The following SLC47A1 variants were observed in gnomAD, a reference collection of about 807,000 sequenced individuals.
SLC47A1 encodes the protein multidrug and toxin extrusion protein 1.
Under a neutral mutation model 65.8 loss-of-function variants are expected in SLC47A1, and 58 were observed. The observed-to-expected ratio is 0.88, with a 90% CI of 0.71 to 1.10. SLC47A1 has a LOEUF of 1.10. SLC47A1 is among the 50% of genes least tolerant of loss of function. The pLI is 0.00. For synonymous variants in SLC47A1, 285 were observed against 295.0 expected, an observed-to-expected ratio of 0.97 and a Z score of 0.35; for missense variants, 706 against 719.2, an observed-to-expected ratio of 0.98 and a Z score of 0.21.
In SLC47A1 at chr17:19,555,947, C is replaced by G. The variant is rs201995431; in HGVS notation, c.853+38C>G. 22 of 1,614,070 alleles carry G rather than the reference C, an allele frequency of 1.4e-5. No individual in the cohort carries two copies. In the South Asian group the frequency reaches 2.0e-4, roughly 15 times the overall value. On this transcript the variant is annotated intron_variant, in intron 9 of 16. Transcript: ENST00000270570. ...ATGGATGACGGGGACTGGTGGGAAC[C>G]TGGGGGCCCTGTCTGGGTGCAAGGC...
At chr17:19,577,248 T>C (rs2084447778) in intron 16 of SLC47A1, 79 bp from the exon 17 acceptor site, 1 of 1,556,212 alleles carries the variant, frequency 6.4e-7, no homozygotes, top group Non-Finnish European at 8.7e-7. Context: ...TATTAGCACA[T>C]ATTCCTTTTA....
chr17:19,539,458 A>T (rs1357350811), intron 1 of SLC47A1, among the ~76,000 whole-genome samples: 1 of 151,776 alleles, frequency 6.6e-6, no homozygotes, highest in Non-Finnish European at 1.5e-5. Context: ...ATATACTGAA[A>T]TGAAGATTCC....
chr17:19,540,876 A>ACACACACACACACACACACC (rs774836898), intron 1 of SLC47A1, among the ~76,000 whole-genome samples: 2 of 149,758 alleles, frequency 1.3e-5, no homozygotes, highest in Admixed American at 6.7e-5. Flanking sequence ...ACACACACAC[A>ACACACACACACACACACACC]CCCCTAGGGT....
chr17:19,540,849 G>GACACACACACACACACACACACACACAC (rs144308134), intron 1 of SLC47A1, among the ~76,000 whole-genome samples: 5 of 143,008 alleles, frequency 3.5e-5, no homozygotes, highest in East Asian at 4.3e-4. Flanking sequence ...TCCTACAACA[G>GACACACACACACACACACACACACACAC]ACACACACAC....
At chr17:19,569,003 G>A (rs961112582) in intron 14 of SLC47A1, among the ~76,000 whole-genome samples, 1 of 151,964 alleles carries the variant, frequency 6.6e-6, no homozygotes, top group Non-Finnish European at 1.5e-5. Flanking sequence ...GGGATTACAG[G>A]CATGAGGAAC....
chr17:19,550,449 G>A (rs900136552), intron 5 of SLC47A1, among the ~76,000 whole-genome samples: 4 of 152,122 alleles, frequency 2.6e-5, no homozygotes, highest in East Asian at 1.9e-4. Flanking sequence ...CTGATTAGCC[G>A]ATACTACAGG....
intron 12 of SLC47A1, among the ~76,000 whole-genome samples, chr17:19,561,295 C>G (rs2084308404): frequency 6.6e-6 from 1 of 151,508 alleles, no homozygotes; most frequent in Admixed American, 6.6e-5. Context: ...TGGATAGATG[C>G]TATCATAGAG....
At chr17:19,552,417 G>A (rs1427863592) in intron 6 of SLC47A1, among the ~76,000 whole-genome samples, 1 of 152,160 alleles carries the variant, frequency 6.6e-6, no homozygotes, top group Non-Finnish European at 1.5e-5. Context: ...AGAAATAGGT[G>A]TAGACTAGAG....
intron 6 of SLC47A1, among the ~76,000 whole-genome samples, chr17:19,553,591 G>A (rs1264115235): frequency 2.0e-5 from 3 of 148,094 alleles, no homozygotes; most frequent in Admixed American, 6.8e-5. Flanking sequence ...GCCCAGGCTA[G>A]AGTGCAGTGA....
At chr17:19,553,309 G>C (rs529199534) in intron 6 of SLC47A1, among the ~76,000 whole-genome samples, 2 of 152,144 alleles carry the variant, frequency 1.3e-5, no homozygotes, top group African/African-American at 4.8e-5. Context: ...CGTGTTGCAG[G>C]CTTGGCCACC....
chr17:19,557,344 C>T, intron 10 of SLC47A1: 1 of 163,930 alleles, frequency 6.1e-6, no homozygotes, highest in Non-Finnish European at 1.3e-5. Context: ...ATTTTATTTA[C>T]ATTTTATATT....
intron 12 of SLC47A1, among the ~76,000 whole-genome samples, chr17:19,566,532 TCTC>T (rs1357813215): frequency 1.3e-5 from 2 of 152,096 alleles, no homozygotes; most frequent in Admixed American, 1.3e-4. Flanking sequence ...TTCAAGCGAT[TCTC>T]CTGCCTCAGC....
chr17:19,534,353 T>G (rs1915932417), intron 1 of SLC47A1: 1 of 376,552 alleles, frequency 2.7e-6, no homozygotes, highest in Non-Finnish European at 4.8e-6. Context: ...GGCCGGCGGC[T>G]CCAGCCTCCT....
Position 19,571,495 on chromosome 17 carries a change from A to T in SLC47A1, c.1327A>T (p.Ile443Phe). The T allele has an allele frequency of 6.2e-7, 1 of 1,613,666 alleles. No homozygotes were observed. Among genetic ancestry groups the T allele is most frequent in the Non-Finnish European group, 8.5e-7 (1 of 1,179,866 alleles). ...LGVMGLWSGI[I>F]ICTVFQAVCF... is the part of the protein sequence containing the mutation. ...ATTTCTAGGTCTGTGGTCAGGGATC[A>T]TCATCTGTACAGTCTTTCAAGCTGT... is the stretch of plus-strand genomic sequence containing the variant. Residue 443 changes from isoleucine (I) to phenylalanine (F), a missense_variant, in exon 15 of 17, where the codon ATC becomes TTC. Ile to Phe is a conservative substitution (Grantham distance 21, BLOSUM62 0). Transcript: ENST00000270570.
At chr17:19,568,302 A>G (rs550037559) in intron 14 of SLC47A1, among the ~76,000 whole-genome samples, 3 of 152,206 alleles carry the variant, frequency 2.0e-5, no homozygotes, top group African/African-American at 4.8e-5. Flanking sequence ...GCCAATGCAA[A>G]GTTCATTGGG....
intron 2 of SLC47A1, 96 bp downstream of exon 2, chr17:19,542,590 A>G: frequency 1.0e-6 from 1 of 994,036 alleles, no homozygotes; most frequent in Admixed American, 2.6e-5. Flanking sequence ...GCTGAAACCT[A>G]CACAGACTTA....
rs374200449 is a variant in SLC47A1 at position 19,567,160 on chromosome 17, T to C, written c.1241T>C (p.Ile414Thr). ...AAGGTTGGAGCCATTGTGAATACCATTGGGTACTATGTGGTTGGCCTCCCC... is the reference window on the plus strand; with the variant it reads ...AAGGTTGGAGCCATTGTGAATACCACTGGGTACTATGTGGTTGGCCTCCCC... ...NQKVGAIVNT[I>T]GYYVVGLPIG... The change falls in exon 14 of 17, where the codon ATT becomes ACT. Residue 414 changes from isoleucine (I) to threonine (T), a missense_variant. Transcript: ENST00000270570. 1.0e-4 allele frequency: 166 copies of C among 1,614,164 alleles called. No homozygotes were observed. Among genetic ancestry groups the C allele is most frequent in the South Asian group, 6.9e-4 (63 of 91,088 alleles).
rs1916446942 is a variant in SLC47A1 at position 19,551,486 on chromosome 17, C to T, written c.543+18C>T. 1.9e-6 allele frequency: 3 copies of T among 1,606,990 alleles called. No homozygotes were observed. Among genetic ancestry groups the T allele is most frequent in the Admixed American group, 1.7e-5 (1 of 59,988 alleles). On this transcript the variant is annotated intron_variant, in intron 6 of 16. Coordinates refer to ENST00000270570, the MANE Select transcript of SLC47A1 (RefSeq NM_018242.3). ...TCAACCAGGTAATACTGACTGTTCTCTTCCTTTGGGAGGCTAATGGGAGTT... is the reference window on the plus strand; with the variant it reads ...TCAACCAGGTAATACTGACTGTTCTTTTCCTTTGGGAGGCTAATGGGAGTT...
At chr17:19,540,439 G>T (rs975034796) in intron 1 of SLC47A1, among the ~76,000 whole-genome samples, 4 of 152,154 alleles carry the variant, frequency 2.6e-5, no homozygotes, top group African/African-American at 9.7e-5. Flanking sequence ...AAGTGATGCC[G>T]AGTTTACAAA....
Sources: gnomAD v4.1 joint callset for allele counts (sites outside exome capture counted in the v4.1 genomes callset) on GRCh38, gnomAD v4.1.1 for gene constraint, MANE v1.5 for transcripts, NCBI Gene and HGNC (gene_info 2026-07-23, HGNC 2026-07-21) for gene names.